XPOT: variants seen among roughly 807,000 people sequenced by gnomAD.
XPOT encodes the protein exportin for tRNA, also known as exportin-T.
In XPOT, 34 loss-of-function variants were observed where a neutral mutation model predicts 128.2. The ratio of observed to expected loss-of-function variants is 0.27; its 90% CI spans 0.20 to 0.35. The LOEUF (loss-of-function observed/expected upper bound fraction) is 0.35. XPOT is among the 10% of genes least tolerant of loss of function. XPOT has a pLI of 1.00. For missense variants in XPOT, 838 were observed against 1,125.3 expected (o/e 0.74, Z 3.65); for synonymous variants, 348 against 394.3 (o/e 0.88, Z 1.39).
chr12:64,406,966 A>G lies in XPOT; in HGVS notation c.-75+2162A>G, dbSNP rs574600641. Among the ~76,000 whole-genome samples, 11 of 152,284 alleles carry G rather than the reference A, an allele frequency of 7.2e-5. No homozygotes were observed. In the East Asian group the frequency reaches 1.7e-3, roughly 24 times the overall value. On this transcript the variant is annotated intron_variant, in intron 1 of 24. Coordinates refer to ENST00000332707, the MANE Select transcript of XPOT (RefSeq NM_007235.6). ...ATTGAGGGCTCACTATGTGCCAGCCATGCTCTGCATACCTTATCTCTTTGA... is the reference window on the plus strand; with the variant it reads ...ATTGAGGGCTCACTATGTGCCAGCCGTGCTCTGCATACCTTATCTCTTTGA...
Position 64,418,975 on chromosome 12 carries a change from T to G in XPOT, c.370T>G (p.Phe124Val). The G allele has an allele frequency of 1.2e-6, 2 of 1,610,522 alleles. No individual in the cohort carries two copies. Among genetic ancestry groups the G allele is most frequent in the Non-Finnish European group, 1.7e-6 (2 of 1,177,688 alleles). Residue 124 changes from phenylalanine (F) to valine (V), a missense_variant, in exon 6 of 25, where the codon TTT becomes GTT. Around this residue, in one of 3 missense-constraint regions of XPOT, gnomAD observed 761 missense variants for 988.3 expected, o/e 0.77. Transcript: ENST00000332707. ...AGAGTATCTCACTAAGTGGCCCAAG[T>G]TTTTTTTTGACATTCTCTCAGTAGT... ...VTEYLTKWPKFFFDILSVVDL... is the reference protein window; with the variant it reads ...VTEYLTKWPKVFFDILSVVDL...
intron 16 of XPOT, 135 bp downstream of exon 16, chr12:64,428,255 T>G (rs2040209523): frequency 1.7e-6 from 1 of 597,556 alleles, no homozygotes; most frequent in Admixed American, 3.2e-5. Flanking sequence ...TTAGTTCTAT[T>G]TACCAAAATT....
intron 24 of XPOT, among the ~76,000 whole-genome samples, chr12:64,447,430 CAG>C (rs1354881022): frequency 1.3e-5 from 2 of 152,132 alleles, no homozygotes; most frequent in Non-Finnish European, 2.9e-5. Context: ...AAATTCCTTA[CAG>C]AGTTAGAACT....
At chr12:64,422,608 T>C (rs1409895506) in intron 9 of XPOT, among the ~76,000 whole-genome samples, 1 of 152,184 alleles carries the variant, frequency 6.6e-6, no homozygotes, top group East Asian at 1.9e-4. Context: ...AAGATCTTGA[T>C]TGATTACAGG....
At chr12:64,428,530 G>A (rs951828065) in intron 16 of XPOT, among the ~76,000 whole-genome samples, 2 of 151,746 alleles carry the variant, frequency 1.3e-5, no homozygotes, top group African/African-American at 2.4e-5. Context: ...CTGTTAGATC[G>A]AAGGTTTTCC....
At chr12:64,438,340 T>G (rs2136035407) in intron 22 of XPOT, among the ~76,000 whole-genome samples, 1 of 152,298 alleles carries the variant, frequency 6.6e-6, no homozygotes, top group East Asian at 1.9e-4. Flanking sequence ...ACTACACTCT[T>G]TTAAAGTGAT....
chr12:64,418,814 C>T, intron 5 of XPOT, 62 bp from the exon 6 acceptor site: 11 of 1,494,766 alleles, frequency 7.4e-6, no homozygotes, highest in Non-Finnish European at 1.0e-5. Context: ...AATAAGACAA[C>T]TGGTGTTTCT....
chr12:64,437,839 G>A (rs1028417560), intron 22 of XPOT, among the ~76,000 whole-genome samples: 7 of 152,188 alleles, frequency 4.6e-5, no homozygotes, highest in Non-Finnish European at 8.8e-5. Flanking sequence ...AGATAGTCAG[G>A]TGTGGTGGTG....
chr12:64,445,071 C>G lies in XPOT; in HGVS notation c.2806-4C>G. 4.4e-6 allele frequency: 7 copies of G among 1,609,002 alleles called. No homozygotes were observed. The highest frequency in any genetic ancestry group is 5.9e-6 in the Non-Finnish European group (7 of 1,177,640). On this transcript the variant is annotated splice_region_variant and splice_polypyrimidine_tract_variant and intron_variant, in intron 23 of 24. Transcript: ENST00000332707. The stretch of plus-strand genomic sequence containing the variant: ...TTTTTCTCCCTCTTTTCCCCACCCC[C>G]CAGGAGTTTTGTCAAGCGCTTCAGC...
chr12:64,409,880 T>A (rs1027149770), intron 1 of XPOT, 82 bp from the exon 2 acceptor site: 18 of 597,312 alleles, frequency 3.0e-5, no homozygotes, highest in African/African-American at 3.0e-4. Context: ...CTTTGCATGA[T>A]TTTATCCATT....
At chr12:64,447,776 A>G (rs1340489493) in intron 24 of XPOT, among the ~76,000 whole-genome samples, 2 of 152,090 alleles carry the variant, frequency 1.3e-5, no homozygotes, top group Non-Finnish European at 2.9e-5. Flanking sequence ...TATTTAATTT[A>G]CCAGTGTTAA....
chr12:64,432,546 A>C (rs1017075386), intron 18 of XPOT, among the ~76,000 whole-genome samples: 1 of 152,146 alleles, frequency 6.6e-6, no homozygotes, highest in African/African-American at 2.4e-5. Context: ...CCACTTACAT[A>C]GTACTTTCTA....
At chr12:64,444,968 C>T (rs1443545946) in intron 23 of XPOT, 107 bp from the exon 24 acceptor site, 108 of 738,178 alleles carry the variant, frequency 1.5e-4, no homozygotes, top group Non-Finnish European at 2.0e-4. Context: ...GCAAGACCAT[C>T]TCTTAAAAAA....
Position 64,431,605 on chromosome 12 carries a change from G to A in XPOT, c.2044G>A (p.Asp682Asn). ...KQCGCSEVYL[D>N]CLQTFLPALS... The stretch of plus-strand genomic sequence containing the variant: ...ATGTGGCTGTTCCGAAGTTTATCTG[G>A]ACTGTTTACAGACATTCTTGCCAGC... The change falls in exon 18 of 25, where the codon GAC (aspartate) becomes AAC (asparagine). Residue 682 changes from aspartate to asparagine, a missense_variant. Around this residue, in one of 3 missense-constraint regions of XPOT, gnomAD observed 761 missense variants for 988.3 expected, o/e 0.77. Coordinates refer to ENST00000332707, the MANE Select transcript of XPOT (RefSeq NM_007235.6). 3 of 1,613,878 alleles carry A rather than the reference G, an allele frequency of 1.9e-6. No homozygotes were observed. In the South Asian group the frequency reaches 3.3e-5, roughly 18 times the overall value.
At chr12:64,408,769 G>T (rs1168406616) in intron 1 of XPOT, among the ~76,000 whole-genome samples, 2 of 152,082 alleles carry the variant, frequency 1.3e-5, no homozygotes, top group Admixed American at 6.6e-5. Context: ...TGCCTCCTGG[G>T]TTCAAGCGAT....
chr12:64,413,351 C>T (rs2040058019), intron 2 of XPOT, among the ~76,000 whole-genome samples: 1 of 152,096 alleles, frequency 6.6e-6, no homozygotes, highest in Admixed American at 6.5e-5. Flanking sequence ...GATCTTCCAG[C>T]CTCAAGTGAT....
chr12:64,440,398 A>G (rs1465658884), intron 23 of XPOT, among the ~76,000 whole-genome samples: 1 of 152,184 alleles, frequency 6.6e-6, no homozygotes, highest in Non-Finnish European at 1.5e-5. Context: ...CTATTTTCAC[A>G]TTGTAAGTGC....
intron 1 of XPOT, among the ~76,000 whole-genome samples, chr12:64,408,735 G>A (rs1053312095): frequency 9.9e-5 from 15 of 151,918 alleles, no homozygotes; most frequent in East Asian, 1.9e-4. Flanking sequence ...GTGCAGTGGC[G>A]CAATCTTGGC....
At chr12:64,446,693 G>A (rs983540398) in intron 24 of XPOT, among the ~76,000 whole-genome samples, 14 of 148,630 alleles carry the variant, frequency 9.4e-5, no homozygotes, top group African/African-American at 3.2e-4. Context: ...GGTCTTTACT[G>A]TTCTTGTAGT....
Sources: allele counts gnomAD v4.1 joint callset (sites outside exome capture counted in the v4.1 genomes callset), GRCh38; gene constraint gnomAD v4.1.1; regional missense constraint gnomAD v4.1.1; transcripts MANE v1.5; gene names NCBI Gene and HGNC (gene_info 2026-07-23, HGNC 2026-07-21).